GRM5: variants seen among roughly 807,000 people sequenced by gnomAD.
The protein encoded by GRM5 is glutamate metabotropic receptor 5.
In GRM5, 19 loss-of-function variants were observed where a neutral mutation model predicts 83.1. That is an observed-to-expected ratio of 0.23 (90% CI 0.16 to 0.34). The LOEUF (loss-of-function observed/expected upper bound fraction) is 0.34, where lower values mean the gene tolerates loss of function less well. Ranked by LOEUF, GRM5 falls within the 10% of genes least tolerant of loss-of-function variation. The pLI, the probability that GRM5 is intolerant of heterozygous loss-of-function variation, is 1.00. For missense variants in GRM5, 1,160 were observed against 1,588.3 expected, an observed-to-expected ratio of 0.73 and a Z score of 4.58; for synonymous variants, 675 against 633.6, an observed-to-expected ratio of 1.07 and a Z score of -0.98.
intron 8 of GRM5, among the ~76,000 whole-genome samples, chr11:88,561,460 A>G (rs990908387): frequency 6.6e-6 from 1 of 152,158 alleles, no homozygotes; most frequent in Admixed American, 6.6e-5. Flanking sequence ...CAATTTAGCC[A>G]TGAAAGGCCC....
At chr11:88,842,383 C>T (rs1235758955) in intron 3 of GRM5, among the ~76,000 whole-genome samples, 1 of 152,126 alleles carries the variant, frequency 6.6e-6, no homozygotes, top group Admixed American at 6.5e-5. Flanking sequence ...CTTATTAGTT[C>T]AACTTCCCAA....
intron 8 of GRM5, among the ~76,000 whole-genome samples, chr11:88,565,620 G>A (rs1942859312): frequency 6.6e-6 from 1 of 152,204 alleles, no homozygotes. Flanking sequence ...TGATCTTGCA[G>A]AAATTTCAGA....
intron 7 of GRM5, among the ~76,000 whole-genome samples, chr11:88,581,657 T>G (rs1943214728): frequency 6.6e-6 from 1 of 152,166 alleles, no homozygotes; most frequent in African/African-American, 2.4e-5. Flanking sequence ...TAAAAAGTGC[T>G]TAGAGACCTG....
At chr11:88,665,188 C>CACACACACACACAT (rs1194319930) in intron 3 of GRM5, among the ~76,000 whole-genome samples, 1 of 151,848 alleles carries the variant, frequency 6.6e-6, no homozygotes, top group Non-Finnish European at 1.5e-5. Context: ...CACACACACA[C>CACACACACACACAT]ACATCCCTCT....
chr11:88,667,582 T>TA (rs1940076102), intron 3 of GRM5, among the ~76,000 whole-genome samples: 2 of 151,846 alleles, frequency 1.3e-5, no homozygotes, highest in Admixed American at 6.6e-5. Flanking sequence ...GAGAATTGCT[T>TA]AAAAAAAGTA....
chr11:88,820,575 G>A (rs1943772421), intron 3 of GRM5, among the ~76,000 whole-genome samples: 1 of 152,100 alleles, frequency 6.6e-6, no homozygotes, highest in African/African-American at 2.4e-5. Context: ...TATTAACCCT[G>A]CAATCTTGGG....
intron 2 of GRM5, among the ~76,000 whole-genome samples, chr11:88,913,655 C>T (rs561890607): frequency 1.4e-4 from 21 of 146,924 alleles, no homozygotes; most frequent in Non-Finnish European, 2.5e-4. Flanking sequence ...GGCACAGTCT[C>T]GGCTCACTCC....
intron 2 of GRM5, among the ~76,000 whole-genome samples, chr11:88,993,119 A>G (rs1480186729): frequency 2.6e-5 from 4 of 151,856 alleles, no homozygotes; most frequent in Non-Finnish European, 4.4e-5. Context: ...CAAAAAAATT[A>G]GCTGGGCATC....
chr11:88,882,840 A>C (rs1201705508), intron 2 of GRM5, among the ~76,000 whole-genome samples: 2 of 152,138 alleles, frequency 1.3e-5, no homozygotes, highest in East Asian at 3.9e-4. Flanking sequence ...GGAAGGACCC[A>C]GTGGGAGGTA....
At chr11:88,845,243 C>G (rs1455201220) in intron 3 of GRM5, among the ~76,000 whole-genome samples, 1 of 151,796 alleles carries the variant, frequency 6.6e-6, no homozygotes, top group East Asian at 1.9e-4. Context: ...CCTAATCAGT[C>G]AGCAGCCATC....
intron 2 of GRM5, among the ~76,000 whole-genome samples, chr11:88,998,270 T>C (rs1319516403): frequency 6.6e-6 from 1 of 152,160 alleles, no homozygotes; most frequent in African/African-American, 2.4e-5. Flanking sequence ...ATTCCAGGGA[T>C]GCGAGGTTGG....
intron 3 of GRM5, among the ~76,000 whole-genome samples, chr11:88,779,681 G>A (rs899585605): frequency 6.6e-6 from 1 of 152,116 alleles, no homozygotes; most frequent in African/African-American, 2.4e-5. Context: ...CCTTGGAGCT[G>A]CTGCTCCTCC....
intron 2 of GRM5, among the ~76,000 whole-genome samples, chr11:88,924,501 A>G (rs1436811165): frequency 1.3e-5 from 2 of 152,214 alleles, no homozygotes; most frequent in East Asian, 1.9e-4. Flanking sequence ...GCCATTTGCA[A>G]CAATATAATG....
chr11:88,672,687 C>A (rs1258720256), intron 3 of GRM5, among the ~76,000 whole-genome samples: 1 of 151,534 alleles, frequency 6.6e-6, no homozygotes, highest in Non-Finnish European at 1.5e-5. Context: ...GTCCAGGAAA[C>A]AAATGTTCAA....
chr11:88,608,621 C>T (rs1174578354), intron 4 of GRM5, among the ~76,000 whole-genome samples: 2 of 149,432 alleles, frequency 1.3e-5, no homozygotes, highest in African/African-American at 4.9e-5. Context: ...TGGGTTCACA[C>T]TGTTCTCCTG....
intron 2 of GRM5, among the ~76,000 whole-genome samples, chr11:88,872,741 T>C (rs992313615): frequency 6.6e-6 from 1 of 150,400 alleles, no homozygotes; most frequent in African/African-American, 2.4e-5. Context: ...AAACAAGGAA[T>C]CAAAGCATAT....
At chr11:89,035,804 T>A (rs549941715) in intron 2 of GRM5, among the ~76,000 whole-genome samples, 1 of 152,164 alleles carries the variant, frequency 6.6e-6, no homozygotes, top group East Asian at 1.9e-4. Context: ...GCATTTAATT[T>A]AGTTTTCAAA....
At chr11:88,741,095 A>C (rs72966425) in intron 3 of GRM5, among the ~76,000 whole-genome samples, 13,364 of 152,058 alleles carry the variant, frequency 0.088, 685 homozygotes, top group African/African-American at 0.15. Context: ...AGAGTTGGGA[A>C]ACTAGGCGGC....
chr11:88,939,750 A>T (rs777263237), intron 2 of GRM5, among the ~76,000 whole-genome samples: 18 of 151,984 alleles, frequency 1.2e-4, no homozygotes, highest in Non-Finnish European at 2.4e-4. Flanking sequence ...CATAATGAAT[A>T]AACAAATGTT....
Sources: allele counts gnomAD v4.1 joint callset (sites outside exome capture counted in the v4.1 genomes callset), GRCh38; gene constraint gnomAD v4.1.1; transcripts MANE v1.5; gene names NCBI Gene and HGNC (gene_info 2026-07-23, HGNC 2026-07-21).